The following SCP2 variants were observed in gnomAD, a reference collection of about 807,000 sequenced individuals.
The protein encoded by SCP2 is sterol carrier protein 2.
In SCP2, 48 loss-of-function variants were observed where a neutral mutation model predicts 71.4. The observed-to-expected ratio is 0.67, with a 90% CI of 0.53 to 0.86. The LOEUF (loss-of-function observed/expected upper bound fraction) is 0.86. Among genes scored for constraint, SCP2 ranks in the 40% least tolerant of loss-of-function variants. The pLI is 0.00. For synonymous variants in SCP2, 220 were observed against 218.1 expected, an observed-to-expected ratio of 1.01 and a Z score of -0.08; for missense variants, 560 against 655.6, an observed-to-expected ratio of 0.85 and a Z score of 1.59.
At chr1:52,989,760 G>A (rs1487082790) in intron 11 of SCP2, among the ~76,000 whole-genome samples, 2 of 151,954 alleles carry the variant, frequency 1.3e-5, no homozygotes, top group African/African-American at 2.4e-5. Flanking sequence ...TGCCAATTGG[G>A]GTAAACAACA....
At chr1:53,021,982 T>C (rs1448199047) in intron 12 of SCP2, among the ~76,000 whole-genome samples, 3 of 152,232 alleles carry the variant, frequency 2.0e-5, no homozygotes, top group Admixed American at 1.3e-4. Context: ...CAGATAACTT[T>C]ATTAAGACCT....
chr1:53,037,357 C>T (rs1299851413), intron 13 of SCP2, among the ~76,000 whole-genome samples: 1 of 152,132 alleles, frequency 6.6e-6, no homozygotes, highest in Non-Finnish European at 1.5e-5. Flanking sequence ...CTCCTCTGTG[C>T]TCCTGCAGTC....
intron 5 of SCP2, among the ~76,000 whole-genome samples, chr1:52,956,923 T>C (rs1287742157): frequency 2.0e-5 from 2 of 97,776 alleles, no homozygotes; most frequent in East Asian, 6.0e-4. Context: ...TTTTTTTTTT[T>C]TTTTGAGACC....
intron 1 of SCP2, among the ~76,000 whole-genome samples, chr1:52,935,180 T>A (rs1287349799): frequency 6.7e-6 from 1 of 148,512 alleles, no homozygotes; most frequent in Non-Finnish European, 1.5e-5. Context: ...GCAGGAGAAT[T>A]GCATGAACCC....
chr1:53,043,182 A>G (rs990975894), intron 14 of SCP2, among the ~76,000 whole-genome samples: 1 of 152,228 alleles, frequency 6.6e-6, no homozygotes, highest in Admixed American at 6.5e-5. Flanking sequence ...CTCAGAGGGT[A>G]TATACCTTCC....
chr1:52,956,574 G>A (rs1655810849), intron 5 of SCP2, among the ~76,000 whole-genome samples: 1 of 152,108 alleles, frequency 6.6e-6, no homozygotes, highest in African/African-American at 2.4e-5. Flanking sequence ...ATTTAGGAGT[G>A]GGTAAGGGGA....
At chr1:53,005,309 A>C (rs1350634606) in intron 11 of SCP2, among the ~76,000 whole-genome samples, 1 of 152,200 alleles carries the variant, frequency 6.6e-6, no homozygotes, top group African/African-American at 2.4e-5. Context: ...AGATCTGAGA[A>C]TGAACAGATT....
chr1:52,986,009 C>CCCT (rs1164651578), intron 10 of SCP2, among the ~76,000 whole-genome samples: 1 of 151,780 alleles, frequency 6.6e-6, no homozygotes, highest in African/African-American at 2.4e-5. Flanking sequence ...TTTTCCTCAC[C>CCCT]CCTCTCCCCA....
chr1:52,978,479 T>C (rs1658185376), intron 9 of SCP2, 112 bp downstream of exon 9: 2 of 851,150 alleles, frequency 2.3e-6, no homozygotes, highest in Non-Finnish European at 1.9e-6. Flanking sequence ...GACATGCTAT[T>C]TGTCATTATT....
At chr1:52,929,958 C>T (rs1378303687) in intron 1 of SCP2, among the ~76,000 whole-genome samples, 1 of 152,114 alleles carries the variant, frequency 6.6e-6, no homozygotes, top group East Asian at 1.9e-4. Flanking sequence ...TCACAGCTGC[C>T]GTCTGGCTGA....
chr1:52,948,153 C>G, intron 3 of SCP2, 73 bp downstream of exon 3: 1 of 931,736 alleles, frequency 1.1e-6, no homozygotes, highest in Non-Finnish European at 1.8e-6. Flanking sequence ...AATGCGGAGG[C>G]ATTTGTGAAT....
At chr1:53,045,625 T>A (rs947397823) in intron 14 of SCP2, among the ~76,000 whole-genome samples, 2 of 152,190 alleles carry the variant, frequency 1.3e-5, no homozygotes, top group African/African-American at 4.8e-5. Context: ...TCCTTCCATA[T>A]TACATGAGAG....
chr1:52,933,941 T>C (rs1653407670), intron 1 of SCP2, among the ~76,000 whole-genome samples: 1 of 152,208 alleles, frequency 6.6e-6, no homozygotes, highest in Non-Finnish European at 1.5e-5. Flanking sequence ...AAACTAGTAG[T>C]CACTATATTT....
At chr1:52,998,246 C>G (rs1430295334) in intron 11 of SCP2, among the ~76,000 whole-genome samples, 1 of 151,974 alleles carries the variant, frequency 6.6e-6, no homozygotes, top group Non-Finnish European at 1.5e-5. Flanking sequence ...TTTTATTTAT[C>G]TTGGGTTGAT....
At chr1:52,937,084 A>T (rs1653810865) in intron 1 of SCP2, among the ~76,000 whole-genome samples, 1 of 152,110 alleles carries the variant, frequency 6.6e-6, no homozygotes, top group African/African-American at 2.4e-5. Flanking sequence ...CTATGTAAGA[A>T]GGGTAAGAGA....
In SCP2 at chr1:53,027,967, A is replaced by G. The variant is rs1286624662; in HGVS notation, c.1236-2A>G. On this transcript the variant is annotated splice_acceptor_variant, in intron 12 of 15. Coordinates refer to ENST00000371514, the MANE Select transcript of SCP2 (RefSeq NM_002979.5). LOFTEE classifies it high-confidence loss of function. Reference sequence around the variant, plus strand: ...TGAATTGAAACAGTTTCTTTTCCCCAGTTCTTTTAGAACTCATCAAATTGA... The same window carrying G: ...TGAATTGAAACAGTTTCTTTTCCCCGGTTCTTTTAGAACTCATCAAATTGA... The G allele has an allele frequency of 6.5e-7, 1 of 1,547,946 alleles. No homozygotes were observed. The highest frequency in any genetic ancestry group is 1.1e-5 in the South Asian group (1 of 89,678).
At chr1:52,965,036 C>CA (rs969827656) in intron 6 of SCP2, among the ~76,000 whole-genome samples, 151 of 151,334 alleles carry the variant, frequency 1.0e-3, no homozygotes, top group African/African-American at 3.6e-3. Context: ...AACAAACAAA[C>CA]AACAACAACA....
At chr1:52,960,522 A>G (rs868854064) in intron 5 of SCP2, among the ~76,000 whole-genome samples, 20 of 124,608 alleles carry the variant, frequency 1.6e-4, no homozygotes, top group African/African-American at 4.4e-4. Context: ...GTGTGTGTAT[A>G]TGTGTGTATA....
intron 14 of SCP2, among the ~76,000 whole-genome samples, chr1:53,045,669 T>A (rs6421492): frequency 0.21 from 31,978 of 152,076 alleles, 5,880 homozygotes; most frequent in African/African-American, 0.49. Flanking sequence ...CAGTACTTGG[T>A]ACTTGCCAGG....
Sources: gnomAD v4.1 joint callset for allele counts (sites outside exome capture counted in the v4.1 genomes callset) on GRCh38, gnomAD v4.1.1 for gene constraint, MANE v1.5 for transcripts, NCBI Gene and HGNC (gene_info 2026-07-23, HGNC 2026-07-21) for gene names.